Variants in TMCO6 observed in about 807,000 individuals in gnomAD.
TMCO6 encodes the protein transmembrane and coiled-coil domains 6, also known as transmembrane and coiled-coil domain-containing protein 6.
TMCO6 carries 47 observed loss-of-function variants against 61.8 expected under a neutral mutation model. That is an observed-to-expected ratio of 0.76 (90% CI 0.60 to 0.97). The LOEUF (loss-of-function observed/expected upper bound fraction) is 0.97. TMCO6 is among the 50% of genes least tolerant of loss of function. The pLI, the probability that TMCO6 is intolerant of heterozygous loss-of-function variation, is 0.00. For synonymous variants in TMCO6, 261 were observed against 254.2 expected (o/e 1.03, Z -0.25); for missense variants, 557 against 601.6 (o/e 0.93, Z 0.78).
chr5:140,639,900 G>T (rs1158059339), intron 2 of TMCO6, 49 bp downstream of exon 2: 1 of 1,515,670 alleles, frequency 6.6e-7, no homozygotes, highest in South Asian at 1.2e-5. Context: ...GCTGGCGCCA[G>T]ACTCCCGGGA....
chr5:140,639,884 A>C, intron 2 of TMCO6, 33 bp downstream of exon 2: 1 of 1,559,822 alleles, frequency 6.4e-7, no homozygotes, highest in South Asian at 1.2e-5. Flanking sequence ...GCTGGAGTCC[A>C]CGCCCGCTGG....
At chr5:140,632,090 C>T in the TMCO6 span, 3 of 1,614,092 alleles carry the variant, frequency 1.9e-6, no homozygotes, top group Admixed American at 1.7e-5. This position sits in a 1 kb window ranked among gnomAD's most constrained non-coding sequence, Gnocchi z 6.2. Context: ...GCACTCTGAG[C>T]TTGGCTGGCA....
the TMCO6 span, among the ~76,000 whole-genome samples, chr5:140,630,286 C>G: frequency 1.3e-5 from 2 of 151,688 alleles, no homozygotes; most frequent in East Asian, 3.9e-4. Context: ...GCCACCACAC[C>G]TGGCCCAGAT....
At chr5:140,628,052 A>G in the TMCO6 span, among the ~76,000 whole-genome samples, 1 of 147,928 alleles carries the variant, frequency 6.8e-6, no homozygotes, top group African/African-American at 2.5e-5. Flanking sequence ...CTTGTTGCCC[A>G]CGCTGGAGTG....
Position 140,645,153 on chromosome 5 carries a change from C to A in TMCO6, c.*55C>A. ...CTCTCTTAACATCAAGCTTGTTTGT[C>A]CAGTAGAGCCTTTGGAGATTTAGGA... On this transcript the variant is annotated 3_prime_UTR_variant, in exon 12 of 12. Transcript: ENST00000394671. 1.9e-6 allele frequency: 3 copies of A among 1,547,698 alleles called. No homozygotes were observed. Among genetic ancestry groups the A allele is most frequent in the South Asian group, 1.1e-5 (1 of 89,728 alleles).
chr5:140,612,495 GCGCC>G, the TMCO6 span, among the ~76,000 whole-genome samples: 1 of 152,046 alleles, frequency 6.6e-6, no homozygotes, highest in South Asian at 2.1e-4. Flanking sequence ...GCCCGCCACG[GCGCC>G]CGGCTCATTT....
chr5:140,646,319 A>G (rs1007863804), downstream of TMCO6, among the ~76,000 whole-genome samples: 1 of 152,074 alleles, frequency 6.6e-6, no homozygotes, highest in African/African-American at 2.4e-5. Flanking sequence ...CTGGGTACCC[A>G]TTCTCTAGGC....
At chr5:140,622,983 G>T in the TMCO6 span, among the ~76,000 whole-genome samples, 1 of 152,130 alleles carries the variant, frequency 6.6e-6, no homozygotes, top group Non-Finnish European at 1.5e-5. Flanking sequence ...CTCTCAAAGT[G>T]CTGGGATAAC....
At chr5:140,647,447 C>T (rs1403087686), downstream of TMCO6, 2 of 1,606,988 alleles carry the variant, frequency 1.2e-6, no homozygotes, top group Admixed American at 3.3e-5. Context: ...ACCCTGGCGT[C>T]CCGAAGCCCG....
At chr5:140,607,348 C>A in the TMCO6 span, among the ~76,000 whole-genome samples, 1 of 152,178 alleles carries the variant, frequency 6.6e-6, no homozygotes, top group Non-Finnish European at 1.5e-5. Flanking sequence ...CAAGGTTTAT[C>A]TATGTTGTAA....
chr5:140,644,219 C>T, intron 10 of TMCO6, 25 bp downstream of exon 10: 1 of 1,606,766 alleles, frequency 6.2e-7, no homozygotes, highest in African/African-American at 1.3e-5. Flanking sequence ...TACTTGAATC[C>T]AAGATCTGGT....
At chr5:140,621,995 C>T in the TMCO6 span, among the ~76,000 whole-genome samples, 2 of 152,222 alleles carry the variant, frequency 1.3e-5, no homozygotes, top group African/African-American at 4.8e-5. Flanking sequence ...ATTTTAATTT[C>T]GTCTCGGTCC....
chr5:140,614,166 T>C, the TMCO6 span, among the ~76,000 whole-genome samples: 1 of 150,168 alleles, frequency 6.7e-6, no homozygotes, highest in Non-Finnish European at 1.5e-5. Flanking sequence ...CCTGAAGTGC[T>C]GGGATTACAG....
chr5:140,642,021 A>C lies in TMCO6; in HGVS notation c.466A>C (p.Thr156Pro), dbSNP rs1363847992. Residue 156 changes from threonine (T) to proline (P), a missense_variant, in exon 4 of 12, where the codon ACC becomes CCC. Thr to Pro is a conservative substitution (Grantham distance 38). Coordinates refer to ENST00000394671, the MANE Select transcript of TMCO6 (RefSeq NM_018502.5). ...ACLPATSYLL[T>P]YLSSHSSDFI... ...CCTGCCAGCCACTTCTTACCTCCTC[A>C]CCTACCTCTCCAGTCACAGCTCAGA... 6.2e-7 allele frequency: 1 copy of C among 1,611,322 alleles called. No individual in the cohort carries two copies. The highest frequency in any genetic ancestry group is 8.5e-7 in the Non-Finnish European group (1 of 1,177,906).
At chr5:140,630,113 C>T in the TMCO6 span, among the ~76,000 whole-genome samples, 1 of 151,682 alleles carries the variant, frequency 6.6e-6, no homozygotes, top group Non-Finnish European at 1.5e-5. Context: ...CCTGCCTCAG[C>T]CTCCTGAGTA....
At chr5:140,637,994 T>TCTTTCTTTCTTTCTTTCTTTCTTTCTTC (rs1187874015), upstream of TMCO6, among the ~76,000 whole-genome samples, 295 of 146,596 alleles carry the variant, frequency 2.0e-3, 1 homozygote, top group Middle Eastern at 3.4e-3. Flanking sequence ...TTTCTTTCTT[T>TCTTTCTTTCTTTCTTTCTTTCTTTCTTC]CTTCCTTCCT....
chr5:140,633,039 A>G, the TMCO6 span: 1 of 1,613,280 alleles, frequency 6.2e-7, no homozygotes, highest in South Asian at 1.1e-5. Flanking sequence ...CCCGAGTGGC[A>G]CGCGTTCGAC....
chr5:140,632,008 G>C, the TMCO6 span: 1 of 1,614,198 alleles, frequency 6.2e-7, no homozygotes, highest in South Asian at 1.1e-5. This position sits in a 1 kb window ranked among gnomAD's most constrained non-coding sequence, Gnocchi z 6.2. Context: ...TTCCCGTCCA[G>C]TGTCAGGTTA....
At chr5:140,628,083 A>G in the TMCO6 span, among the ~76,000 whole-genome samples, 8 of 149,906 alleles carry the variant, frequency 5.3e-5, no homozygotes, top group African/African-American at 2.0e-4. Flanking sequence ...ACCTCGGCTC[A>G]CCACAACCTC....
Sources: gnomAD v4.1 joint callset for allele counts (sites outside exome capture counted in the v4.1 genomes callset) on GRCh38, gnomAD v4.1.1 for gene constraint, Gnocchi (gnomAD v3.1) non-coding constraint, MANE v1.5 for transcripts, NCBI Gene and HGNC (gene_info 2026-07-23, HGNC 2026-07-21) for gene names.